The following PCSK5 variants were observed in gnomAD, a reference collection of about 807,000 sequenced individuals.
PCSK5 encodes proprotein convertase subtilisin/kexin type 5, also known as prohormone convertase 5.
In PCSK5, 129 loss-of-function variants were observed where a neutral mutation model predicts 233.2. That is an observed-to-expected ratio of 0.55 (90% confidence interval 0.48 to 0.64). PCSK5 has a LOEUF of 0.64. Ranked by LOEUF, PCSK5 falls within the 30% of genes least tolerant of loss-of-function variation. The probability of loss-of-function intolerance (pLI) is 0.00; values close to 1 mark genes in which losing one functional copy is unlikely to be tolerated. For missense variants in PCSK5, 2,076 were observed against 2,430.1 expected (o/e 0.85, Z 3.06); for synonymous variants, 825 against 879.2 (o/e 0.94, Z 1.09).
intron 5 of PCSK5, among the ~76,000 whole-genome samples, chr9:76,038,198 T>C (rs180724360): frequency 1.3e-4 from 20 of 152,282 alleles, no homozygotes; most frequent in Admixed American, 1.1e-3. Flanking sequence ...TAGACTCTCA[T>C]TTTCTCTCCA....
intron 24 of PCSK5, among the ~76,000 whole-genome samples, chr9:76,263,186 T>C (rs1008640531): frequency 1.3e-5 from 2 of 152,088 alleles, no homozygotes; most frequent in Non-Finnish European, 2.9e-5. Context: ...GGTGGGACTG[T>C]AAACTAGTTC....
Position 76,324,726 on chromosome 9 carries a change from A to G in PCSK5, c.4339+1438A>G, listed in dbSNP as rs139412117. On this transcript the variant is annotated intron_variant, in intron 32 of 37. Transcript: ENST00000674117. ...ATTCATTATCAAGGAACAGAAAAAT[A>G]AAATAAGTTATGCACTCTAGAATTC... Among the ~76,000 whole-genome samples, 13 of 152,310 alleles carry G rather than the reference A, an allele frequency of 8.5e-5. No individual in the cohort carries two copies. In the East Asian group the frequency reaches 2.5e-3, roughly 29 times the overall value.
At chr9:75,973,373 G>T (rs897034644) in intron 2 of PCSK5, among the ~76,000 whole-genome samples, 2 of 152,116 alleles carry the variant, frequency 1.3e-5, no homozygotes, top group African/African-American at 4.8e-5. Context: ...CCTCTTTCCA[G>T]ACTGAGAACT....
rs560717699 is a variant in PCSK5, at chr9:75,946,837, C to T, written c.297+14354C>T. Among the ~76,000 whole-genome samples, 3 of 152,272 alleles carry T rather than the reference C, an allele frequency of 2.0e-5. No homozygotes were observed. In the South Asian group the frequency reaches 6.2e-4, roughly 32 times the overall value. On this transcript the variant is annotated intron_variant, in intron 2 of 37. Coordinates refer to ENST00000674117, the MANE Select transcript of PCSK5 (RefSeq NM_001372043.1). ...ACTCCTGACCTCGTGATCCACCCAC[C>T]TCGGCCTCCCAAAGTGCTAGGATTA... is the stretch of plus-strand genomic sequence containing the variant.
intron 2 of PCSK5, among the ~76,000 whole-genome samples, chr9:75,938,003 A>G (rs1216489182): frequency 2.0e-5 from 3 of 152,348 alleles, no homozygotes; most frequent in East Asian, 3.9e-4. Context: ...CCTATCAGCA[A>G]TAAGGCTGTT....
At chr9:75,937,737 G>GATCTTCTGTATCACTTGCTGC (rs1189199981) in intron 2 of PCSK5, among the ~76,000 whole-genome samples, 2 of 152,152 alleles carry the variant, frequency 1.3e-5, no homozygotes, top group African/African-American at 4.8e-5. Flanking sequence ...ATCTTAGCTG[G>GATCTTCTGTATCACTTGCTGC]ATCTTCTGTA....
rs765508690 is a variant in PCSK5 at position 76,071,711 on chromosome 9, C to CTTT, written c.722-14_722-12dup. 6.2e-7 allele frequency: 1 copy of CTTT among 1,603,508 alleles called. No homozygotes were observed. The highest frequency in any genetic ancestry group is 8.5e-7 in the Non-Finnish European group (1 of 1,174,158). On this transcript the variant is annotated splice_polypyrimidine_tract_variant and intron_variant, in intron 6 of 37. Coordinates refer to ENST00000674117, the MANE Select transcript of PCSK5 (RefSeq NM_001372043.1). ...GAAGCCCTGTAATGAGCTAGTTCTC[C>CTTT]TTTCTGTGTTGAAGGAGTGCGAATG...
intron 5 of PCSK5, among the ~76,000 whole-genome samples, chr9:76,029,748 C>T (rs958407947): frequency 1.3e-5 from 2 of 152,164 alleles, no homozygotes; most frequent in Admixed American, 6.5e-5. Flanking sequence ...CAGAAAGTGA[C>T]AGTCTTCACT....
At chr9:76,255,287 A>G (rs1277663884) in intron 24 of PCSK5, among the ~76,000 whole-genome samples, 1 of 152,024 alleles carries the variant, frequency 6.6e-6, no homozygotes, top group African/African-American at 2.4e-5. Flanking sequence ...ACTCTCTCTC[A>G]AAAAAATAAA....
chr9:76,181,791 C>A (rs1823883553), intron 16 of PCSK5, among the ~76,000 whole-genome samples, 200 bp downstream of exon 16: 1 of 152,134 alleles, frequency 6.6e-6, no homozygotes, highest in South Asian at 2.1e-4. Context: ...CTCAAGACCA[C>A]CCCCAGATTC....
At chr9:76,075,162 G>C (rs1240296788) in intron 7 of PCSK5, among the ~76,000 whole-genome samples, 1 of 152,138 alleles carries the variant, frequency 6.6e-6, no homozygotes, top group Non-Finnish European at 1.5e-5. Context: ...GGAGGTTGCA[G>C]TGAGCCAAGA....
intron 8 of PCSK5, among the ~76,000 whole-genome samples, chr9:76,097,987 G>A (rs966152247): frequency 6.6e-6 from 1 of 152,196 alleles, no homozygotes; most frequent in Admixed American, 6.5e-5. Context: ...ATCTACGCAG[G>A]TTGGGGTCAC....
At chr9:76,085,787 G>T (rs886593971) in intron 7 of PCSK5, among the ~76,000 whole-genome samples, 18 of 152,186 alleles carry the variant, frequency 1.2e-4, no homozygotes, top group Admixed American at 1.3e-4. Context: ...GATGAGGGTA[G>T]TTTACCCTTG....
chr9:76,009,250 G>A (rs938426228), intron 3 of PCSK5, among the ~76,000 whole-genome samples: 1 of 151,708 alleles, frequency 6.6e-6, no homozygotes, highest in African/African-American at 2.4e-5. Context: ...CAAAAAAAAG[G>A]TTCAATTCTA....
chr9:76,208,295 C>A (rs897351297), intron 20 of PCSK5, among the ~76,000 whole-genome samples: 3 of 152,152 alleles, frequency 2.0e-5, no homozygotes, highest in African/African-American at 7.2e-5. Flanking sequence ...GGTCTGACTG[C>A]AATGACCCTG....
Position 76,079,170 on chromosome 9 carries a change from C to G in PCSK5, c.894+7272C>G, listed in dbSNP as rs1285654441. ...GTTGGAGTGCAGTGGCGTGCGTGATCTTGGCTCACTGCAACCTCCGCCTCT... is the reference window on the plus strand; with the variant it reads ...GTTGGAGTGCAGTGGCGTGCGTGATGTTGGCTCACTGCAACCTCCGCCTCT... On this transcript the variant is annotated intron_variant, in intron 7 of 37. Transcript: ENST00000674117. 4.0e-5 allele frequency among the ~76,000 whole-genome samples: 6 copies of G among 151,820 alleles called. No individual in the cohort carries two copies. In the South Asian group the frequency reaches 6.3e-4, roughly 16 times the overall value.
At chr9:76,020,890 C>T (rs1828156670) in intron 3 of PCSK5, among the ~76,000 whole-genome samples, 1 of 152,160 alleles carries the variant, frequency 6.6e-6, no homozygotes, top group South Asian at 2.1e-4. Context: ...CAATCGATAC[C>T]GCAGGTGGCC....
intron 5 of PCSK5, among the ~76,000 whole-genome samples, chr9:76,053,124 C>T (rs755379801): frequency 6.6e-6 from 1 of 152,212 alleles, no homozygotes; most frequent in Non-Finnish European, 1.5e-5. Context: ...GCAGCTTTTC[C>T]TGGCAAATGG....
chr9:76,113,836 A>G (rs1321817201), intron 9 of PCSK5, among the ~76,000 whole-genome samples: 3 of 152,152 alleles, frequency 2.0e-5, no homozygotes, highest in Non-Finnish European at 4.4e-5. Flanking sequence ...CGAGGGCCAC[A>G]TTCAACTCTA....
Sources: allele counts gnomAD v4.1 joint callset (sites outside exome capture counted in the v4.1 genomes callset), GRCh38; gene constraint gnomAD v4.1.1; transcripts MANE v1.5; gene names NCBI Gene and HGNC (gene_info 2026-07-23, HGNC 2026-07-21).